WDR76: variants seen among roughly 807,000 people sequenced by gnomAD.
WDR76 encodes WD repeat-containing protein 76.
A neutral mutation model predicts 70.2 loss-of-function variants in WDR76; 52 were observed. That is an observed-to-expected ratio of 0.74 (90% CI 0.59 to 0.93). The LOEUF is 0.93. WDR76 is among the 40% of genes least tolerant of loss of function. The pLI, the probability that WDR76 is intolerant of heterozygous loss-of-function variation, is 0.00. For synonymous variants in WDR76, 292 were observed against 271.1 expected, an observed-to-expected ratio of 1.08 and a Z score of -0.76; for missense variants, 756 against 760.2, an observed-to-expected ratio of 0.99 and a Z score of 0.07.
intron 5 of WDR76, 123 bp from the exon 6 acceptor site, chr15:43,842,292 G>C: frequency 1.4e-6 from 1 of 729,382 alleles, no homozygotes; most frequent in Admixed American, 2.8e-5. Flanking sequence ...TCCATGATAT[G>C]CCACCATTAC....
intron 8 of WDR76, among the ~76,000 whole-genome samples, chr15:43,847,351 C>G (rs1596076131): frequency 1.3e-5 from 2 of 151,968 alleles, no homozygotes; most frequent in Admixed American, 1.3e-4. Flanking sequence ...ATCTCTGCCT[C>G]CTGGGTTCAG....
chr15:43,856,136 G>A (rs972191314), intron 9 of WDR76, among the ~76,000 whole-genome samples: 2 of 151,930 alleles, frequency 1.3e-5, no homozygotes, highest in East Asian at 3.9e-4. Context: ...TTTTAGCATT[G>A]CATGGTATTT....
rs925773058 is a variant in WDR76 at position 43,836,108 on chromosome 15, A to T, written c.553-53A>T. 6 of 1,527,004 alleles carry T rather than the reference A, an allele frequency of 3.9e-6. No homozygotes were observed. In the African/African-American group the frequency reaches 7.0e-5, roughly 18 times the overall value. 94.6% of individuals were successfully genotyped at this position (1,527,004 alleles called of 1,614,324 possible). A position where few individuals can be genotyped will look rare whatever the true frequency, so the allele number is the denominator to read the frequency against. On this transcript the variant is annotated intron_variant, in intron 3 of 12. Transcript: ENST00000263795. ...TATAGTAGCAGATGCTTAATATTTT[A>T]AAAGGTAAGATACGTAGTTATAACA...
At chr15:43,835,837 A>G (rs1190719174) in intron 3 of WDR76, among the ~76,000 whole-genome samples, 1 of 151,774 alleles carries the variant, frequency 6.6e-6, no homozygotes, top group African/African-American at 2.4e-5. Flanking sequence ...TTGTATTTTT[A>G]GTAGGAATGG....
chr15:43,850,993 C>A (rs986149976), intron 8 of WDR76, 94 bp from the exon 9 acceptor site: 14 of 1,432,270 alleles, frequency 9.8e-6, no homozygotes, highest in Non-Finnish European at 1.3e-5. Context: ...GAATATAATC[C>A]AGTGTAAATT....
At chr15:43,859,021 T>C (rs555725111) in intron 11 of WDR76, among the ~76,000 whole-genome samples, 198 bp downstream of exon 11, 45 of 152,316 alleles carry the variant, frequency 3.0e-4, no homozygotes, top group Admixed American at 2.4e-3. Context: ...GGAAATTTCC[T>C]TGAGACTGGC....
At chr15:43,857,464 C>T (rs1294196167) in intron 10 of WDR76, 3 of 985,202 alleles carry the variant, frequency 3.0e-6, no homozygotes, top group Non-Finnish European at 3.6e-6. Flanking sequence ...AAAAAAGTTA[C>T]ATGTGACCTA....
chr15:43,858,014 C>G (rs1045083237), intron 10 of WDR76, among the ~76,000 whole-genome samples: 2 of 145,144 alleles, frequency 1.4e-5, no homozygotes. Flanking sequence ...CTCACTGCAA[C>G]CTCCGCCTCC....
At chr15:43,865,747 TA>T (rs1251979247) in intron 12 of WDR76, among the ~76,000 whole-genome samples, 1 of 152,148 alleles carries the variant, frequency 6.6e-6, no homozygotes, top group African/African-American at 2.4e-5. Context: ...GTGACTATTC[TA>T]GGGGGTAAGA....
chr15:43,842,395 C>G lies in WDR76; in HGVS notation c.733-20C>G, dbSNP rs1567185709. Reference sequence around the variant, plus strand: ...CTAGGGCAGGGAGCCCAACAAATAACTTTTTATTTTTTATAACAGCCTTTG... The same window carrying G: ...CTAGGGCAGGGAGCCCAACAAATAAGTTTTTATTTTTTATAACAGCCTTTG... On this transcript the variant is annotated intron_variant, in intron 5 of 12. Coordinates refer to ENST00000263795, the MANE Select transcript of WDR76 (RefSeq NM_024908.4). 7 of 1,608,452 alleles carry G rather than the reference C, an allele frequency of 4.4e-6. No homozygotes were observed. The Admixed American group carries it at 6.8e-5, about 16-fold the overall frequency.
chr15:43,863,667 C>T (rs942749357), intron 12 of WDR76, among the ~76,000 whole-genome samples: 13 of 152,154 alleles, frequency 8.5e-5, no homozygotes, highest in Non-Finnish European at 1.5e-4. Context: ...TTGAGCAGTC[C>T]TCTTGCCTCA....
rs1333975221 is a variant in WDR76, at chr15:43,861,517, C to A, written c.1616+131C>A. ...TTTTGAATACAAAAATTATAAGTGTCCCAGTTTGCTAGTTCCTATCCAGAA... is the reference window on the plus strand; with the variant it reads ...TTTTGAATACAAAAATTATAAGTGTACCAGTTTGCTAGTTCCTATCCAGAA... On this transcript the variant is annotated intron_variant, in intron 12 of 12. Coordinates refer to ENST00000263795, the MANE Select transcript of WDR76 (RefSeq NM_024908.4). The A allele has an allele frequency of 2.2e-6, 2 of 913,398 alleles. 1 individual carries two copies. Among genetic ancestry groups the A allele is most frequent in the Non-Finnish European group, 3.4e-6 (2 of 590,840 alleles). The allele number at this position is 913,398 out of a possible 1,614,324, so 56.6% of individuals were successfully genotyped here.
intron 2 of WDR76, among the ~76,000 whole-genome samples, chr15:43,833,131 T>G (rs2141723980): frequency 6.6e-6 from 1 of 152,124 alleles, no homozygotes; most frequent in Non-Finnish European, 1.5e-5. Flanking sequence ...GCTCATGTCT[T>G]TAGTTTTGAG....
At chr15:43,841,128 C>G (rs189856517) in intron 5 of WDR76, among the ~76,000 whole-genome samples, 6 of 151,026 alleles carry the variant, frequency 4.0e-5, no homozygotes, top group African/African-American at 1.5e-4. Context: ...TCAAGTGATT[C>G]TCATGCCTGA....
intron 5 of WDR76, among the ~76,000 whole-genome samples, chr15:43,841,754 T>C (rs2087728457): frequency 6.6e-6 from 1 of 152,256 alleles, no homozygotes; most frequent in African/African-American, 2.4e-5. Flanking sequence ...GATGTAGGTA[T>C]AATACTGAGT....
At position 43,851,264 on chromosome 15, in the gene WDR76, A is replaced by G; in HGVS notation, c.1191+19A>G. On this transcript the variant is annotated intron_variant, in intron 9 of 12. Transcript: ENST00000263795. Reference sequence around the variant, plus strand: ...TGAAGAGGTAAATGTTAATGTGTTTACATGCTGACTTCAGATGATATTCTA... The same window carrying G: ...TGAAGAGGTAAATGTTAATGTGTTTGCATGCTGACTTCAGATGATATTCTA... The G allele has an allele frequency of 1.2e-6, 2 of 1,610,598 alleles. No homozygotes were observed. The highest frequency in any genetic ancestry group is 2.7e-5 in the African/African-American group (2 of 74,956).
At chr15:43,829,788 G>A (rs2087564561) in intron 2 of WDR76, among the ~76,000 whole-genome samples, 1 of 151,996 alleles carries the variant, frequency 6.6e-6, no homozygotes, top group Admixed American at 6.6e-5. Context: ...TTACAGGCGT[G>A]AGCCACCGCG....
At chr15:43,831,719 C>G (rs1336046978) in intron 2 of WDR76, among the ~76,000 whole-genome samples, 1 of 152,014 alleles carries the variant, frequency 6.6e-6, no homozygotes, top group Non-Finnish European at 1.5e-5. Flanking sequence ...GGATTACAGG[C>G]GTGAGCCACC....
intron 10 of WDR76, among the ~76,000 whole-genome samples, chr15:43,857,820 CAAAAAAA>C (rs972013972): frequency 0.011 from 627 of 57,984 alleles, 2 homozygotes; most frequent in Non-Finnish European, 0.015. Flanking sequence ...CTCTTGTCTC[CAAAAAAA>C]AAAAAAAAAA....
Sources: gnomAD v4.1 joint callset for allele counts (sites outside exome capture counted in the v4.1 genomes callset) on GRCh38, gnomAD v4.1.1 for gene constraint, MANE v1.5 for transcripts, NCBI Gene and HGNC (gene_info 2026-07-23, HGNC 2026-07-21) for gene names.